Variants in ADAMTSL3 observed in about 807,000 individuals in gnomAD.
ADAMTSL3 encodes the protein ADAMTS like 3, also known as ADAMTS-like protein 3.
Under a neutral mutation model 201.7 loss-of-function variants are expected in ADAMTSL3, and 128 were observed. The observed-to-expected ratio is 0.63, with a 90% confidence interval of 0.55 to 0.73. ADAMTSL3 has a LOEUF of 0.73. ADAMTSL3 is among the 30% of genes least tolerant of loss of function. The pLI is 0.00. For synonymous variants in ADAMTSL3, 738 were observed against 748.4 expected (o/e 0.99, Z 0.23); for missense variants, 1,990 against 2,119.6 (o/e 0.94, Z 1.20).
chr15:83,860,753 GGGTGATT>G (rs2064837689), intron 8 of ADAMTSL3, among the ~76,000 whole-genome samples: 1 of 152,154 alleles, frequency 6.6e-6, no homozygotes, highest in African/African-American at 2.4e-5. Flanking sequence ...CGTAGAAGAC[GGGTGATT>G]TCTGCATTTC....
In ADAMTSL3 at chr15:83,655,935, A is replaced by G; in HGVS notation, c.69+105A>G. Reference sequence around the variant, plus strand: ...ATGTGGCATGATTAGTGTTAATCCTACACCAGAGAACCAGACTTTCTTTCC... The same window carrying G: ...ATGTGGCATGATTAGTGTTAATCCTGCACCAGAGAACCAGACTTTCTTTCC... On this transcript the variant is annotated intron_variant, in intron 2 of 29. Coordinates refer to ENST00000286744, the MANE Select transcript of ADAMTSL3 (RefSeq NM_207517.3). 2.6e-6 allele frequency: 3 copies of G among 1,166,426 alleles called. No homozygotes were observed. The East Asian group carries it at 7.7e-5, about 30-fold the overall frequency. The allele number at this position is 1,166,426 out of a possible 1,614,324, so 72.3% of individuals were successfully genotyped here.
chr15:83,839,972 TGGAGG>T, intron 7 of ADAMTSL3, among the ~76,000 whole-genome samples: 1 of 152,192 alleles, frequency 6.6e-6, no homozygotes, highest in South Asian at 2.1e-4. Context: ...TCTTTGTGGT[TGGAGG>T]GTTTATCTGA....
intron 22 of ADAMTSL3, 126 bp from the exon 23 acceptor site, chr15:83,990,960 A>G: frequency 7.3e-7 from 1 of 1,373,344 alleles, no homozygotes. Flanking sequence ...ACCTTGAGGG[A>G]TACAGAGAGA....
chr15:83,982,623 G>A lies in ADAMTSL3; in HGVS notation c.2995G>A (p.Asp999Asn). 6.2e-7 allele frequency: 1 copy of A among 1,614,166 alleles called. No homozygotes were observed. The highest frequency in any genetic ancestry group is 8.5e-7 in the Non-Finnish European group (1 of 1,180,028). The change falls in exon 21 of 30, where the codon GAC becomes AAC. Residue 999 changes from aspartate to asparagine, a missense_variant. Transcript: ENST00000286744. ...AGTTGTGCTCAAGCTCATTGGTACT[G>A]ACAACCGGCTCATCGCACGCCCAGC... is the stretch of plus-strand genomic sequence containing the variant. Reference protein sequence around the residue: ...ETVVLKLIGTDNRLIARPALR... With the variant: ...ETVVLKLIGTNNRLIARPALR...
intron 3 of ADAMTSL3, among the ~76,000 whole-genome samples, chr15:83,741,384 T>C (rs899380145): frequency 1.3e-5 from 2 of 152,070 alleles, no homozygotes; most frequent in African/African-American, 2.4e-5. Context: ...TAACAGATTG[T>C]GGAATTATCT....
chr15:83,813,672 G>A (rs1044508694), intron 5 of ADAMTSL3, among the ~76,000 whole-genome samples: 5 of 152,158 alleles, frequency 3.3e-5, no homozygotes, highest in African/African-American at 4.8e-5. Flanking sequence ...ATGGGGATTT[G>A]GGCTTTGGGC....
chr15:83,694,560 A>G (rs1451876255), intron 2 of ADAMTSL3, among the ~76,000 whole-genome samples: 1 of 152,228 alleles, frequency 6.6e-6, no homozygotes, highest in East Asian at 1.9e-4. Flanking sequence ...AAGGTCTTGA[A>G]AAATGGACTC....
intron 3 of ADAMTSL3, among the ~76,000 whole-genome samples, chr15:83,714,966 T>C (rs2061996476): frequency 6.8e-6 from 1 of 146,956 alleles, no homozygotes; most frequent in African/African-American, 2.5e-5. Flanking sequence ...CATCTTGGAA[T>C]TTTTTTTCTT....
At chr15:83,801,649 T>TAAATATAA (rs2063518438) in intron 4 of ADAMTSL3, among the ~76,000 whole-genome samples, 1 of 27,070 alleles carries the variant, frequency 3.7e-5, no homozygotes, top group Non-Finnish European at 6.0e-5. Context: ...TATATAAATA[T>TAAATATAA]AAATATATAT....
chr15:84,005,744 A>G (rs560748183), intron 23 of ADAMTSL3, among the ~76,000 whole-genome samples: 35 of 152,338 alleles, frequency 2.3e-4, no homozygotes, highest in African/African-American at 8.4e-4. Context: ...AACACAGTTC[A>G]AAACCTTTAG....
At position 83,924,045 on chromosome 15, in the gene ADAMTSL3, C is replaced by T. The variant is rs2066202068; in HGVS notation, c.2117+12C>T. On this transcript the variant is annotated intron_variant, in intron 17 of 29. Coordinates refer to ENST00000286744, the MANE Select transcript of ADAMTSL3 (RefSeq NM_207517.3). Reference sequence around the variant, plus strand: ...CCCTGTCCCCCCAGGTATGTGCTGTCTTGTGTTCCTGGTATATACCGTGTC... The same window carrying T: ...CCCTGTCCCCCCAGGTATGTGCTGTTTTGTGTTCCTGGTATATACCGTGTC... 3 of 1,613,766 alleles carry T rather than the reference C, an allele frequency of 1.9e-6. No individual in the cohort carries two copies. Among genetic ancestry groups the T allele is most frequent in the African/African-American group, 2.7e-5 (2 of 74,940 alleles).
chr15:83,861,823 G>A (rs540957207), intron 8 of ADAMTSL3: 3 of 152,216 alleles, frequency 2.0e-5, no homozygotes, highest in Admixed American at 6.5e-5. Context: ...AAACTACTCC[G>A]AGCTAAAGGA....
At chr15:83,879,015 C>T (rs2065228158) in intron 9 of ADAMTSL3, among the ~76,000 whole-genome samples, 3 of 152,022 alleles carry the variant, frequency 2.0e-5, no homozygotes, top group Admixed American at 2.0e-4. Flanking sequence ...ATGAATTTGT[C>T]TATTTCAACT....
At chr15:83,745,766 A>G (rs1018905447) in intron 3 of ADAMTSL3, among the ~76,000 whole-genome samples, 2 of 152,254 alleles carry the variant, frequency 1.3e-5, no homozygotes, top group African/African-American at 4.8e-5. Context: ...CAATGAAGTG[A>G]AAAGTACATA....
chr15:83,752,030 A>C (rs1302819904), intron 3 of ADAMTSL3, among the ~76,000 whole-genome samples: 1 of 152,262 alleles, frequency 6.6e-6, no homozygotes, highest in Non-Finnish European at 1.5e-5. Context: ...TATGAGAAAC[A>C]ATACATTTTA....
intron 8 of ADAMTSL3, among the ~76,000 whole-genome samples, chr15:83,865,053 C>G (rs1393750764): frequency 2.6e-5 from 4 of 152,092 alleles, no homozygotes; most frequent in African/African-American, 9.7e-5. Flanking sequence ...ATCCAACTTA[C>G]AAGGGACATG....
intron 13 of ADAMTSL3, among the ~76,000 whole-genome samples, chr15:83,896,239 G>A (rs1053225625): frequency 2.6e-5 from 4 of 152,174 alleles, no homozygotes; most frequent in African/African-American, 9.7e-5. Context: ...TGAAGGAGGT[G>A]CCTGTCCCAT....
At chr15:83,964,196 G>A (rs1273503735) in intron 19 of ADAMTSL3, among the ~76,000 whole-genome samples, 1 of 152,088 alleles carries the variant, frequency 6.6e-6, no homozygotes, top group East Asian at 1.9e-4. Context: ...ACAGAAGTAG[G>A]CTTCAGAAGG....
At chr15:83,955,508 C>T (rs903294125) in intron 19 of ADAMTSL3, among the ~76,000 whole-genome samples, 2 of 151,998 alleles carry the variant, frequency 1.3e-5, no homozygotes, top group African/African-American at 4.8e-5. Flanking sequence ...GATACTCTAT[C>T]CACTGTGCTG....
Sources: allele counts gnomAD v4.1 joint callset (sites outside exome capture counted in the v4.1 genomes callset), GRCh38; gene constraint gnomAD v4.1.1; transcripts MANE v1.5; gene names NCBI Gene and HGNC (gene_info 2026-07-23, HGNC 2026-07-21).